Variants in KCNU1 observed in about 807,000 individuals in gnomAD.
KCNU1 encodes the protein potassium calcium-activated channel subfamily U member 1.
KCNU1 carries 93 observed loss-of-function variants against 126.8 expected under a neutral mutation model. That is an observed-to-expected ratio of 0.73 (90% confidence interval 0.62 to 0.87). The LOEUF is 0.87. Ranked by LOEUF, KCNU1 falls within the 40% of genes least tolerant of loss-of-function variation. The probability of loss-of-function intolerance (pLI) is 0.00; values close to 1 mark genes in which losing one functional copy is unlikely to be tolerated. For missense variants in KCNU1, 1,330 were observed against 1,367.1 expected (o/e 0.97, Z 0.43); for synonymous variants, 523 against 494.2 (o/e 1.06, Z -0.77).
chr8:36,907,419 G>A (rs1425479786), intron 20 of KCNU1, among the ~76,000 whole-genome samples: 1 of 152,094 alleles, frequency 6.6e-6, no homozygotes, highest in African/African-American at 2.4e-5. Flanking sequence ...ACTCAGAAAA[G>A]CAATTGTTGG....
intron 19 of KCNU1, among the ~76,000 whole-genome samples, chr8:36,886,848 C>A (rs977702271): frequency 2.0e-5 from 3 of 152,202 alleles, no homozygotes; most frequent in African/African-American, 7.2e-5. Context: ...ACTCTGTATG[C>A]CTTTGCATAC....
rs185217154 is a variant in KCNU1, at chr8:36,810,004, A to G, written c.732+1211A>G. On this transcript the variant is annotated intron_variant, in intron 7 of 26. Transcript: ENST00000399881. Reference sequence around the variant, plus strand: ...TAATCCCACTCTCCCAAGGCCACCAACAGCCATAGCTGAAGAATAGCTTCG... The same window carrying G: ...TAATCCCACTCTCCCAAGGCCACCAGCAGCCATAGCTGAAGAATAGCTTCG... Among the ~76,000 whole-genome samples, 306 of 152,316 alleles carry G rather than the reference A, an allele frequency of 2.0e-3. 5 individuals are homozygous for G. The highest frequency in any genetic ancestry group is 7.0e-3 in the African/African-American group (290 of 41,570).
chr8:36,805,236 C>T lies in KCNU1; in HGVS notation c.419C>T (p.Pro140Leu). 4 of 1,610,796 alleles carry T rather than the reference C, an allele frequency of 2.5e-6. No individual in the cohort carries two copies. Among genetic ancestry groups the T allele is most frequent in the Non-Finnish European group, 3.4e-6 (4 of 1,178,202 alleles). Reference sequence around the variant, plus strand: ...TCATCATATGAAGACAAAACCATTCCTATTGATTTGGTTTTCAATGCTTTC... The same window carrying T: ...TCATCATATGAAGACAAAACCATTCTTATTGATTTGGTTTTCAATGCTTTC... Reference protein sequence around the residue: ...SCSSYEDKTIPIDLVFNAFFS... With the variant: ...SCSSYEDKTILIDLVFNAFFS... The change falls in exon 4 of 27, where the codon CCT becomes CTT. Residue 140 changes from proline (P) to leucine (L), a missense_variant. Physicochemically the swap from Pro to Leu is moderately conservative, Grantham distance 98. Transcript: ENST00000399881.
chr8:36,883,999 T>C (rs1024531523), intron 19 of KCNU1, among the ~76,000 whole-genome samples: 3 of 152,150 alleles, frequency 2.0e-5, no homozygotes, highest in African/African-American at 7.2e-5. Context: ...GGGTGTGGGG[T>C]TGGGAAGACT....
chr8:36,897,615 C>T (rs1427070772), intron 19 of KCNU1, among the ~76,000 whole-genome samples: 1 of 151,976 alleles, frequency 6.6e-6, no homozygotes, highest in African/African-American at 2.4e-5. Flanking sequence ...CATTTTCATT[C>T]ACCTTTAATT....
chr8:36,833,726 A>G, intron 11 of KCNU1, 67 bp downstream of exon 11: 1 of 884,528 alleles, frequency 1.1e-6, no homozygotes. Flanking sequence ...AATAGGATAT[A>G]TTGCTTTTTA....
chr8:36,815,351 G>A (rs911588126), intron 8 of KCNU1, among the ~76,000 whole-genome samples: 6 of 152,030 alleles, frequency 3.9e-5, no homozygotes, highest in Admixed American at 6.6e-5. Flanking sequence ...AAGACATGTG[G>A]GGAAATCACC....
chr8:36,863,179 G>A (rs1805789444), intron 18 of KCNU1, among the ~76,000 whole-genome samples: 1 of 152,088 alleles, frequency 6.6e-6, no homozygotes. Context: ...TTATGGATTA[G>A]AATGGTTCAG....
intron 11 of KCNU1, 123 bp from the exon 12 acceptor site, chr8:36,834,663 C>T (rs1278311349): frequency 9.7e-6 from 6 of 618,434 alleles, no homozygotes; most frequent in Non-Finnish European, 1.7e-5. Flanking sequence ...CAACTTATTC[C>T]CAAGTGTGTC....
chr8:36,866,180 AG>A (rs1186105581), intron 19 of KCNU1, among the ~76,000 whole-genome samples: 1 of 152,172 alleles, frequency 6.6e-6, no homozygotes, highest in Non-Finnish European at 1.5e-5. Context: ...GAGTGTAATA[AG>A]TGCAGAGCCT....
chr8:36,885,694 G>A (rs888571944), intron 19 of KCNU1, among the ~76,000 whole-genome samples: 4 of 152,148 alleles, frequency 2.6e-5, no homozygotes, highest in Admixed American at 6.6e-5. Flanking sequence ...TCTGGAGGCC[G>A]AGGCAGGAGA....
Position 36,808,766 on chromosome 8 carries a change from G to A in KCNU1, c.705G>A (p.Trp235Ter). 3 of 1,611,696 alleles carry A rather than the reference G, an allele frequency of 1.9e-6. No individual in the cohort carries two copies. The highest frequency in any genetic ancestry group is 2.5e-6 in the Non-Finnish European group (3 of 1,178,704). Residue 235 changes from tryptophan (W) to a stop codon, truncating the protein, a stop_gained, in exon 7 of 27, where the codon TGG becomes TGA. Transcript: ENST00000399881. LOFTEE classifies it high-confidence loss of function. The stretch of plus-strand genomic sequence containing the variant: ...TGCTGTCAATAATTCTCAGTACCTG[G>A]TTCACAGCTGCGGGATTCATTCACC... Reference protein sequence around the residue: ...SKLLSIILSTWFTAAGFIHLV... With the variant: ...SKLLSIILST
At chr8:36,878,803 G>C (rs1344162130) in intron 19 of KCNU1, among the ~76,000 whole-genome samples, 1 of 147,520 alleles carries the variant, frequency 6.8e-6, no homozygotes, top group East Asian at 2.0e-4. Context: ...ATATATATCT[G>C]CCCTAATTGA....
At chr8:36,809,842 C>A (rs1803645019) in intron 7 of KCNU1, among the ~76,000 whole-genome samples, 1 of 152,214 alleles carries the variant, frequency 6.6e-6, no homozygotes, top group East Asian at 1.9e-4. Flanking sequence ...TTAATGTGGC[C>A]TACAAGCATA....
chr8:36,910,562 C>T (rs895472627), intron 21 of KCNU1, among the ~76,000 whole-genome samples: 3 of 152,152 alleles, frequency 2.0e-5, no homozygotes, highest in South Asian at 2.1e-4. Context: ...TGAGGATGCA[C>T]ATTTTGCCTC....
Position 36,814,321 on chromosome 8 carries a change from G to GT in KCNU1, c.848dup (p.Ala284SerfsTer27). 1 of 1,613,152 alleles carries GT rather than the reference G, an allele frequency of 6.2e-7. No homozygotes were observed. Among genetic ancestry groups the GT allele is most frequent in the South Asian group, 1.1e-5 (1 of 91,016 alleles). ...GTCAACCGTTGGATTTGGAGATGTG[G>GT]TAGCCAAGACATCCTTAGGACGGAC... On this transcript the variant is annotated frameshift_variant, in exon 8 of 27. Coordinates refer to ENST00000399881, the MANE Select transcript of KCNU1 (RefSeq NM_001031836.3). LOFTEE classifies it high-confidence loss of function.
At chr8:36,877,224 G>C (rs758680863) in intron 19 of KCNU1, among the ~76,000 whole-genome samples, 10 of 151,766 alleles carry the variant, frequency 6.6e-5, no homozygotes, top group Non-Finnish European at 1.5e-4. Flanking sequence ...TGTGAGAAGG[G>C]TTTCTCTCCT....
intron 16 of KCNU1, among the ~76,000 whole-genome samples, chr8:36,845,192 C>T (rs1805097602): frequency 6.6e-6 from 1 of 152,158 alleles, no homozygotes; most frequent in African/African-American, 2.4e-5. Flanking sequence ...AAGATGAGCA[C>T]TACTAGTATG....
At chr8:36,892,824 G>GTCTC (rs1462232105) in intron 19 of KCNU1, among the ~76,000 whole-genome samples, 1 of 152,080 alleles carries the variant, frequency 6.6e-6, no homozygotes, top group East Asian at 1.9e-4. Context: ...AGATCAGCCA[G>GTCTC]AAGAGATTAG....
Sources: allele counts gnomAD v4.1 joint callset (sites outside exome capture counted in the v4.1 genomes callset), GRCh38; gene constraint gnomAD v4.1.1; transcripts MANE v1.5; gene names NCBI Gene and HGNC (gene_info 2026-07-23, HGNC 2026-07-21).